Variants in NEDD4L observed in about 807,000 individuals in gnomAD.
NEDD4L encodes the protein E3 ubiquitin-protein ligase NEDD4-like.
Under a neutral mutation model 148.9 loss-of-function variants are expected in NEDD4L, and 54 were observed. The ratio of observed to expected loss-of-function variants is 0.36; its 90% CI spans 0.29 to 0.45. NEDD4L has a LOEUF of 0.45. Among genes scored for constraint, NEDD4L ranks in the 20% least tolerant of loss-of-function variants. The pLI is 1.00. For missense variants in NEDD4L, 856 were observed against 1,233.8 expected, an observed-to-expected ratio of 0.69 and a Z score of 4.59; for synonymous variants, 433 against 440.7, an observed-to-expected ratio of 0.98 and a Z score of 0.22.
At position 58,056,458 on chromosome 18, in the gene NEDD4L, C is replaced by G. The variant is rs1053609163; in HGVS notation, c.48+11750C>G. ...TTCACCTAGACAGTAGGGAAATGGG[C>G]CAGCTCAGGGATGTCTTCAGGAACC... is the stretch of plus-strand genomic sequence containing the variant. On this transcript the variant is annotated intron_variant, in intron 1 of 30. Transcript: ENST00000400345. Among the ~76,000 whole-genome samples the G allele has an allele frequency of 3.2e-4, 49 of 152,232 alleles. 1 individual carries two copies. Among genetic ancestry groups the G allele is most frequent in the Admixed American group, 3.3e-4 (5 of 15,288 alleles).
Position 58,297,234 on chromosome 18 carries a change from A to G in NEDD4L, c.298-18748A>G, listed in dbSNP as rs545202622. 3.3e-5 allele frequency among the ~76,000 whole-genome samples: 5 copies of G among 152,242 alleles called. No individual in the cohort carries two copies. The South Asian group carries it at 1.0e-3, about 32-fold the overall frequency. On this transcript the variant is annotated intron_variant, in intron 5 of 30. Coordinates refer to ENST00000400345, the MANE Select transcript of NEDD4L (RefSeq NM_001144967.3). ...ACATTGAAAAGTTTCAGGGGTCAGG[A>G]CCTAATAAATTTTGTGGGCCAGTAT...
chr18:58,080,046 C>T (rs1280748592), intron 1 of NEDD4L, among the ~76,000 whole-genome samples: 1 of 152,190 alleles, frequency 6.6e-6, no homozygotes, highest in Non-Finnish European at 1.5e-5. Context: ...TCTCACCTCC[C>T]TCAGCCTCCT....
At chr18:58,165,406 A>G (rs1396007104) in intron 1 of NEDD4L, among the ~76,000 whole-genome samples, 1 of 152,214 alleles carries the variant, frequency 6.6e-6, no homozygotes, top group African/African-American at 2.4e-5. Flanking sequence ...TGTCAACTTC[A>G]AAGGAGGAAT....
intron 13 of NEDD4L, among the ~76,000 whole-genome samples, chr18:58,339,507 A>G (rs1218347057): frequency 5.9e-5 from 9 of 152,104 alleles, no homozygotes; most frequent in Non-Finnish European, 1.3e-4. Flanking sequence ...GCTCCTGCTG[A>G]GTCTCCACAC....
At chr18:58,200,588 A>G (rs1339147689) in intron 2 of NEDD4L, among the ~76,000 whole-genome samples, 1 of 152,240 alleles carries the variant, frequency 6.6e-6, no homozygotes, top group Admixed American at 6.5e-5. Flanking sequence ...TTATGGAACA[A>G]AGTTAAAAAT....
intron 22 of NEDD4L, among the ~76,000 whole-genome samples, chr18:58,368,411 C>T (rs993707807): frequency 6.6e-6 from 1 of 152,130 alleles, no homozygotes; most frequent in African/African-American, 2.4e-5. Flanking sequence ...AAGTCAAACC[C>T]TCTACCTGGC....
At chr18:58,305,691 C>A (rs1305832367) in intron 5 of NEDD4L, among the ~76,000 whole-genome samples, 1 of 152,174 alleles carries the variant, frequency 6.6e-6, no homozygotes, top group African/African-American at 2.4e-5. Context: ...CTTGGACATC[C>A]TTGTTTTATA....
At chr18:58,263,731 A>G (rs930793358) in intron 5 of NEDD4L, among the ~76,000 whole-genome samples, 1 of 147,726 alleles carries the variant, frequency 6.8e-6, no homozygotes. Flanking sequence ...CTCATGAAGG[A>G]AAACAACTGT....
At position 58,397,869 on chromosome 18, in the gene NEDD4L, AT is replaced by A. The variant is rs1656249695; in HGVS notation, c.*1603del. On this transcript the variant is annotated 3_prime_UTR_variant, in exon 31 of 31. Transcript: ENST00000400345. Reference sequence around the variant, plus strand: ...TCGGGGCAGTCAGGGGACACTAGAGATTTGATCTCATGCGAGTCATCAATAG... The same window carrying A: ...TCGGGGCAGTCAGGGGACACTAGAGATTGATCTCATGCGAGTCATCAATAG... 6.6e-6 allele frequency: 1 copy of A among 152,556 alleles called. No homozygotes were observed. Among genetic ancestry groups the A allele is most frequent in the African/African-American group, 2.4e-5 (1 of 41,416 alleles). The allele number at this position is 152,556 out of a possible 1,614,324, so 9.5% of individuals were successfully genotyped here.
At chr18:58,370,694 C>T (rs2046743971) in intron 23 of NEDD4L, among the ~76,000 whole-genome samples, 1 of 152,208 alleles carries the variant, frequency 6.6e-6, no homozygotes, top group Non-Finnish European at 1.5e-5. Context: ...ATCCAAATCC[C>T]AGTTGCCTCT....
intron 5 of NEDD4L, among the ~76,000 whole-genome samples, chr18:58,285,103 G>C (rs1390091437): frequency 6.6e-6 from 1 of 152,232 alleles, no homozygotes; most frequent in Admixed American, 6.5e-5. Flanking sequence ...TGCCAGAGAA[G>C]AAGAGGTGCT....
intron 2 of NEDD4L, among the ~76,000 whole-genome samples, chr18:58,214,645 T>TTG (rs1568403585): frequency 0.028 from 3,418 of 123,674 alleles, 118 homozygotes; most frequent in African/African-American, 0.076. Flanking sequence ...GTGTGTGTGT[T>TTG]TTGTTGTTGT....
intron 2 of NEDD4L, among the ~76,000 whole-genome samples, chr18:58,217,105 GT>G (rs556207197): frequency 3.3e-4 from 50 of 152,322 alleles, no homozygotes; most frequent in African/African-American, 1.2e-3. Context: ...CCTTTCAGAT[GT>G]TTTGTTATAG....
At position 58,086,092 on chromosome 18, in the gene NEDD4L, A is replaced by G. The variant is rs111775403; in HGVS notation, c.48+41384A>G. 3.7e-3 allele frequency among the ~76,000 whole-genome samples: 559 copies of G among 152,322 alleles called. 2 individuals carry two copies. The highest frequency in any genetic ancestry group is 0.013 in the African/African-American group (539 of 41,580). ...AAGTTTGAGTTGTTGAATTTCATAC[A>G]TATTTTATTTTGACTTTTAATCCTT... On this transcript the variant is annotated intron_variant, in intron 1 of 30. Transcript: ENST00000400345.
intron 24 of NEDD4L, among the ~76,000 whole-genome samples, chr18:58,379,165 C>A (rs2047987952): frequency 6.6e-6 from 1 of 152,220 alleles, no homozygotes; most frequent in Admixed American, 6.5e-5. Flanking sequence ...AGAGCAGGCT[C>A]TGCAGACTGC....
At chr18:58,264,012 G>A (rs1466752005) in intron 5 of NEDD4L, among the ~76,000 whole-genome samples, 1 of 152,042 alleles carries the variant, frequency 6.6e-6, no homozygotes, top group Non-Finnish European at 1.5e-5. Flanking sequence ...CTTAAGCATA[G>A]TATCTGTTCC....
intron 2 of NEDD4L, among the ~76,000 whole-genome samples, chr18:58,215,981 A>ATT (rs918205882): frequency 4.8e-5 from 7 of 144,602 alleles, no homozygotes; most frequent in African/African-American, 1.3e-4. Flanking sequence ...CAAAACAAGA[A>ATT]TTTTTTTTTT....
rs758325546 is a variant in NEDD4L, at chr18:58,396,301, A to G, written c.*32A>G. The stretch of plus-strand genomic sequence containing the variant: ...TGTGCCTCGGGGGTGGTTGTTCTTC[A>G]AGCAAGTTCTGCTTGCACTTTTGCA... On this transcript the variant is annotated 3_prime_UTR_variant, in exon 31 of 31. Coordinates refer to ENST00000400345, the MANE Select transcript of NEDD4L (RefSeq NM_001144967.3). 4 of 1,454,628 alleles carry G rather than the reference A, an allele frequency of 2.7e-6. No individual in the cohort carries two copies. The African/African-American group carries it at 5.6e-5, about 20-fold the overall frequency. The allele number at this position is 1,454,628 out of a possible 1,614,324, so 90.1% of individuals were successfully genotyped here. A position where few individuals can be genotyped will look rare whatever the true frequency, so the allele number is the denominator to read the frequency against.
intron 9 of NEDD4L, among the ~76,000 whole-genome samples, chr18:58,326,067 G>A (rs1479304803): frequency 6.6e-6 from 1 of 152,130 alleles, no homozygotes; most frequent in Non-Finnish European, 1.5e-5. Context: ...GAAAGAAAGT[G>A]GCTAATGATA....
Sources: allele counts gnomAD v4.1 joint callset (sites outside exome capture counted in the v4.1 genomes callset), GRCh38; gene constraint gnomAD v4.1.1; transcripts MANE v1.5; gene names NCBI Gene and HGNC (gene_info 2026-07-23, HGNC 2026-07-21).